The following LRRC49 variants were observed in gnomAD, a reference collection of about 807,000 sequenced individuals.
LRRC49 encodes the protein leucine rich repeat containing 49, also known as leucine-rich repeat-containing protein 49.
LRRC49 carries 50 observed loss-of-function variants against 83.3 expected under a neutral mutation model. The ratio of observed to expected loss-of-function variants is 0.60; its 90% confidence interval spans 0.48 to 0.76. The LOEUF is 0.76. Among genes scored for constraint, LRRC49 ranks in the 30% least tolerant of loss-of-function variants. The pLI, the probability that LRRC49 is intolerant of heterozygous loss-of-function variation, is 0.00. For missense variants in LRRC49, 704 were observed against 809.1 expected, an observed-to-expected ratio of 0.87 and a Z score of 1.58; for synonymous variants, 286 against 283.3, an observed-to-expected ratio of 1.01 and a Z score of -0.10.
At chr15:70,940,981 G>C (rs2035794081) in intron 8 of LRRC49, among the ~76,000 whole-genome samples, 1 of 152,084 alleles carries the variant, frequency 6.6e-6, no homozygotes, top group South Asian at 2.1e-4. Context: ...AATGTAAGGA[G>C]GACCCATAAA....
Position 70,901,022 on chromosome 15 carries a change from A to G in LRRC49, c.294A>G (p.Glu98=), listed in dbSNP as rs1193340439. The change falls in exon 4 of 16, where the codon GAA becomes GAG. Residue 98 remains glutamate (E), a splice_region_variant and synonymous_variant. Transcript: ENST00000260382. ...KILYSDRLSL[E]RQKLTVCPII... ...TTTACTCAGACAGGTTGAGCCTAGA[A>G]AGGTGAGGACAATTTCTTTTCTTTT... The G allele has an allele frequency of 6.3e-7, 1 of 1,581,890 alleles. No individual in the cohort carries two copies. The highest frequency in any genetic ancestry group is 8.6e-7 in the Non-Finnish European group (1 of 1,156,944).
At chr15:70,878,913 T>C (rs2033207145) in intron 2 of LRRC49, among the ~76,000 whole-genome samples, 1 of 152,264 alleles carries the variant, frequency 6.6e-6, no homozygotes, top group African/African-American at 2.4e-5. Context: ...TAATTTCTTT[T>C]CTTGCAATGT....
chr15:71,012,976 C>G, intron 14 of LRRC49, 63 bp downstream of exon 14: 1 of 985,316 alleles, frequency 1.0e-6, no homozygotes, highest in African/African-American at 1.6e-5. Context: ...GAAATAAATT[C>G]CACATACCTC....
chr15:70,898,561 G>A (rs2033933477), intron 3 of LRRC49: 1 of 559,720 alleles, frequency 1.8e-6, no homozygotes, highest in South Asian at 2.5e-5. Flanking sequence ...GATTGCTTGA[G>A]CCCAGGAGTT....
intron 2 of LRRC49, among the ~76,000 whole-genome samples, chr15:70,880,523 CTAAA>C (rs1250698555): frequency 1.3e-5 from 2 of 152,078 alleles, no homozygotes; most frequent in Non-Finnish European, 2.9e-5. Context: ...GGTCTAGCAA[CTAAA>C]TAAATTAAAA....
At position 70,984,096 on chromosome 15, in the gene LRRC49, G is replaced by T. The variant is rs751574752; in HGVS notation, c.1008G>T (p.Glu336Asp). The T allele has an allele frequency of 6.2e-7, 1 of 1,612,024 alleles. No individual in the cohort carries two copies. The highest frequency in any genetic ancestry group is 1.1e-5 in the South Asian group (1 of 90,872). The change falls in exon 11 of 16, where the codon GAG becomes GAT. Residue 336 changes from glutamate to aspartate, a missense_variant and splice_region_variant. Glu to Asp is a conservative substitution (Grantham distance 45, BLOSUM62 2). Coordinates refer to ENST00000260382, the MANE Select transcript of LRRC49 (RefSeq NM_017691.5). ...RESHKQSLLK[E>D]KKRLTINNVA... ...TGTCACAATTAACTTTTTCATAGGA[G>T]AAGAAAAGGTTAACAATTAACAACG... is the stretch of plus-strand genomic sequence containing the variant.
chr15:70,951,250 T>C (rs1445500890), intron 8 of LRRC49, among the ~76,000 whole-genome samples: 2 of 152,138 alleles, frequency 1.3e-5, no homozygotes, highest in Non-Finnish European at 2.9e-5. Context: ...AGCTCTCTTT[T>C]GGTTCCTCCA....
At chr15:71,028,939 A>G (rs1036161274) in intron 14 of LRRC49, among the ~76,000 whole-genome samples, 8 of 151,300 alleles carry the variant, frequency 5.3e-5, no homozygotes, top group Non-Finnish European at 7.4e-5. Flanking sequence ...TCATGTCTCT[A>G]TCTCCTTCAT....
intron 11 of LRRC49, 119 bp from the exon 12 acceptor site, chr15:71,008,260 T>C: frequency 1.6e-6 from 1 of 610,460 alleles, no homozygotes. Context: ...ATGCTCTAGG[T>C]TTAATTACTG....
At chr15:70,943,904 C>T (rs1397944530) in intron 8 of LRRC49, among the ~76,000 whole-genome samples, 1 of 152,182 alleles carries the variant, frequency 6.6e-6, no homozygotes, top group Non-Finnish European at 1.5e-5. Context: ...TGAGGGTCGC[C>T]TGACATTCCT....
At chr15:70,901,302 A>G (rs2034067632) in intron 4 of LRRC49, among the ~76,000 whole-genome samples, 1 of 152,178 alleles carries the variant, frequency 6.6e-6, no homozygotes, top group Admixed American at 6.5e-5. Flanking sequence ...TGTAGTATAG[A>G]AAAAAACCAC....
intron 1 of LRRC49, among the ~76,000 whole-genome samples, chr15:70,872,294 C>CTGAG (rs1216953798): frequency 6.6e-6 from 1 of 152,184 alleles, no homozygotes; most frequent in African/African-American, 2.4e-5. Flanking sequence ...ACTGGGCAGG[C>CTGAG]TGAGGCAGGA....
intron 10 of LRRC49, among the ~76,000 whole-genome samples, chr15:70,981,192 A>G (rs1462003234): frequency 6.6e-6 from 1 of 152,136 alleles, no homozygotes; most frequent in Non-Finnish European, 1.5e-5. Context: ...GCAACTCTAC[A>G]TATTGATCAT....
intron 1 of LRRC49, among the ~76,000 whole-genome samples, chr15:70,855,178 T>C (rs1479933645): frequency 6.6e-6 from 1 of 151,202 alleles, no homozygotes; most frequent in Non-Finnish European, 1.5e-5. Flanking sequence ...CTAAAAAAAA[T>C]ACAAAAATTA....
intron 14 of LRRC49, among the ~76,000 whole-genome samples, chr15:71,028,273 C>G (rs2039238653): frequency 6.6e-6 from 1 of 152,136 alleles, no homozygotes; most frequent in African/African-American, 2.4e-5. Flanking sequence ...GTTGAACCAG[C>G]CTTGTATCCC....
At chr15:70,926,974 A>G (rs902086956) in intron 7 of LRRC49, among the ~76,000 whole-genome samples, 2 of 152,224 alleles carry the variant, frequency 1.3e-5, no homozygotes, top group African/African-American at 4.8e-5. Flanking sequence ...CAACAGACAC[A>G]TGAAAAAATG....
intron 6 of LRRC49, among the ~76,000 whole-genome samples, chr15:70,912,263 T>A (rs537328685): frequency 2.2e-4 from 34 of 152,262 alleles, no homozygotes; most frequent in African/African-American, 8.2e-4. Context: ...GTTGTTGTTG[T>A]CTGTTTGTTT....
At position 70,918,181 on chromosome 15, in the gene LRRC49, A is replaced by G. The variant is rs139754430; in HGVS notation, c.568-869A>G. 1.3e-3 allele frequency: 201 copies of G among 152,556 alleles called. 4 individuals are homozygous for G. The East Asian group carries it at 0.037, about 28-fold the overall frequency. 9.5% of individuals were successfully genotyped at this position (152,556 alleles called of 1,614,324 possible). On this transcript the variant is annotated intron_variant, in intron 6 of 15. Coordinates refer to ENST00000260382, the MANE Select transcript of LRRC49 (RefSeq NM_017691.5). Reference sequence around the variant, plus strand: ...GCAGCCAGCATGTCTGACTGTGCACAGTGGCCAGACCCCATGCTCACTCAC... The same window carrying G: ...GCAGCCAGCATGTCTGACTGTGCACGGTGGCCAGACCCCATGCTCACTCAC...
At chr15:70,957,609 G>A (rs2036448606) in intron 8 of LRRC49, among the ~76,000 whole-genome samples, 1 of 152,006 alleles carries the variant, frequency 6.6e-6, no homozygotes, top group African/African-American at 2.4e-5. Context: ...TGGGGCAGTG[G>A]TCACAGTATC....
Sources: allele counts gnomAD v4.1 joint callset (sites outside exome capture counted in the v4.1 genomes callset), GRCh38; gene constraint gnomAD v4.1.1; transcripts MANE v1.5; gene names NCBI Gene and HGNC (gene_info 2026-07-23, HGNC 2026-07-21).